Variants in ELP3 observed in about 807,000 individuals in gnomAD.
ELP3 encodes the protein elongator complex protein 3.
ELP3 carries 56 observed loss-of-function variants against 74.9 expected under a neutral mutation model. That is an observed-to-expected ratio of 0.75 (90% CI 0.60 to 0.93). ELP3 has a LOEUF of 0.93. Ranked by LOEUF, ELP3 falls within the 40% of genes least tolerant of loss-of-function variation. The pLI is 0.00. For missense variants in ELP3, 573 were observed against 686.5 expected (o/e 0.83, Z 1.85); for synonymous variants, 222 against 239.8 (o/e 0.93, Z 0.68).
intron 14 of ELP3, among the ~76,000 whole-genome samples, chr8:28,176,874 T>C (rs1189291561): frequency 6.6e-6 from 1 of 152,200 alleles, no homozygotes; most frequent in Non-Finnish European, 1.5e-5. Context: ...AGACCCTCTA[T>C]TTTTGAATCA....
At chr8:28,119,602 A>G (rs1445100564) in intron 7 of ELP3, among the ~76,000 whole-genome samples, 2 of 101,950 alleles carry the variant, frequency 2.0e-5, no homozygotes, top group African/African-American at 4.5e-5. Context: ...ATATATATAT[A>G]TATATATATA....
At chr8:28,109,477 C>T (rs371999681) in intron 5 of ELP3, among the ~76,000 whole-genome samples, 1 of 152,168 alleles carries the variant, frequency 6.6e-6, no homozygotes, top group Non-Finnish European at 1.5e-5. Flanking sequence ...GTTATTTCCT[C>T]CCCATCCTTC....
chr8:28,153,088 G>A (rs886218251), intron 10 of ELP3, among the ~76,000 whole-genome samples: 3 of 152,120 alleles, frequency 2.0e-5, no homozygotes, highest in African/African-American at 7.2e-5. Context: ...CTCTGACTAT[G>A]GTGTTTTACC....
At chr8:28,137,011 G>A (rs1055460037) in intron 9 of ELP3, among the ~76,000 whole-genome samples, 4 of 152,176 alleles carry the variant, frequency 2.6e-5, no homozygotes, top group Non-Finnish European at 4.4e-5. Flanking sequence ...GATAACAAAT[G>A]GACAAGGTGT....
intron 14 of ELP3, among the ~76,000 whole-genome samples, chr8:28,180,265 A>G (rs935454314): frequency 2.0e-5 from 3 of 152,124 alleles, no homozygotes; most frequent in African/African-American, 4.8e-5. Flanking sequence ...CCAGTTAAAC[A>G]TATTTTAGAC....
intron 7 of ELP3, among the ~76,000 whole-genome samples, chr8:28,116,245 A>T (rs191192195): frequency 6.6e-6 from 1 of 152,282 alleles, no homozygotes; most frequent in East Asian, 1.9e-4. Flanking sequence ...TACCAAGGGT[A>T]GCTCAAAGAG....
At chr8:28,171,425 A>G (rs2130580066) in intron 14 of ELP3, among the ~76,000 whole-genome samples, 1 of 152,178 alleles carries the variant, frequency 6.6e-6, no homozygotes, top group South Asian at 2.1e-4. Flanking sequence ...TATTTCTGTA[A>G]TGATTAATGA....
rs115319889 is a variant in ELP3, at chr8:28,138,990, C to T, written c.1100+1099C>T. On this transcript the variant is annotated intron_variant, in intron 10 of 14. Coordinates refer to ENST00000256398, the MANE Select transcript of ELP3 (RefSeq NM_018091.6). Reference sequence around the variant, plus strand: ...TTCTGAAGCAATTCAGTCCAAAGGACATTAGGTGGTGCGGAGCAGTGTAGG... The same window carrying T: ...TTCTGAAGCAATTCAGTCCAAAGGATATTAGGTGGTGCGGAGCAGTGTAGG... 9.8e-3 allele frequency among the ~76,000 whole-genome samples: 1,491 copies of T among 152,202 alleles called. 25 individuals carry two copies. Among genetic ancestry groups the T allele is most frequent in the African/African-American group, 0.034 (1,403 of 41,506 alleles).
chr8:28,134,620 G>GATTCAAAT (rs1812910099), intron 9 of ELP3, among the ~76,000 whole-genome samples: 3 of 152,144 alleles, frequency 2.0e-5, no homozygotes, highest in African/African-American at 7.2e-5. Flanking sequence ...TTTCACAAAA[G>GATTCAAAT]AGAATATTCA....
At chr8:28,109,020 T>C (rs1030364365) in intron 5 of ELP3, among the ~76,000 whole-genome samples, 1 of 150,586 alleles carries the variant, frequency 6.6e-6, no homozygotes, top group African/African-American at 2.4e-5. Flanking sequence ...AGGAAAGACA[T>C]GGGGGTGTTG....
intron 7 of ELP3, among the ~76,000 whole-genome samples, chr8:28,118,694 T>C (rs1812231486): frequency 6.6e-6 from 1 of 152,190 alleles, no homozygotes; most frequent in Admixed American, 6.5e-5. Flanking sequence ...CCAACAACCT[T>C]TTAAAATAGT....
chr8:28,138,988 G>A (rs1447083012), intron 10 of ELP3, among the ~76,000 whole-genome samples: 1 of 152,160 alleles, frequency 6.6e-6, no homozygotes, highest in Non-Finnish European at 1.5e-5. Flanking sequence ...CAGTCCAAAG[G>A]ACATTAGGTG....
chr8:28,146,948 T>A lies in ELP3; in HGVS notation c.1101-8994T>A, dbSNP rs753742639. Among the ~76,000 whole-genome samples, 21 of 152,248 alleles carry A rather than the reference T, an allele frequency of 1.4e-4. 1 individual carries two copies. Among genetic ancestry groups the A allele is most frequent in the Non-Finnish European group, 2.8e-4 (19 of 68,046 alleles). On this transcript the variant is annotated intron_variant, in intron 10 of 14. Transcript: ENST00000256398. The stretch of plus-strand genomic sequence containing the variant: ...CTCTGTTACCAGGTCCTCACTGACT[T>A]GTGCTCTCTGGTAATCAGGGCCAGC...
chr8:28,112,252 T>C (rs1234492016), intron 6 of ELP3, among the ~76,000 whole-genome samples: 1 of 152,094 alleles, frequency 6.6e-6, no homozygotes, highest in African/African-American at 2.4e-5. Context: ...CAAGCGATTC[T>C]CTTGCCTCAG....
intron 7 of ELP3, among the ~76,000 whole-genome samples, chr8:28,120,783 T>A (rs1466115639): frequency 6.6e-6 from 1 of 152,218 alleles, no homozygotes; most frequent in Non-Finnish European, 1.5e-5. Context: ...TGCTTTAACA[T>A]CACTTCTTTA....
upstream of ELP3, among the ~76,000 whole-genome samples, chr8:28,091,781 C>G (rs1208790004): frequency 6.6e-6 from 1 of 152,000 alleles, no homozygotes; most frequent in Admixed American, 6.5e-5. Context: ...TGAGGACACA[C>G]CCAGGAAAAA....
intron 10 of ELP3, among the ~76,000 whole-genome samples, chr8:28,145,222 A>G (rs1252952728): frequency 6.6e-6 from 1 of 152,206 alleles, no homozygotes; most frequent in African/African-American, 2.4e-5. Context: ...AGAGAGACTC[A>G]TGGGGATTTT....
At chr8:28,177,909 C>T (rs141152821) in intron 14 of ELP3, among the ~76,000 whole-genome samples, 2 of 152,354 alleles carry the variant, frequency 1.3e-5, no homozygotes, top group East Asian at 3.9e-4. Context: ...TGTTACATCA[C>T]ATTAATAATT....
At chr8:28,115,484 A>G (rs1585657369) in intron 7 of ELP3, among the ~76,000 whole-genome samples, 2 of 152,330 alleles carry the variant, frequency 1.3e-5, no homozygotes, top group East Asian at 3.9e-4. Flanking sequence ...CTGAGGAGGA[A>G]AGGACATGGG....
Sources: allele counts gnomAD v4.1 joint callset (sites outside exome capture counted in the v4.1 genomes callset), GRCh38; gene constraint gnomAD v4.1.1; transcripts MANE v1.5; gene names NCBI Gene and HGNC (gene_info 2026-07-23, HGNC 2026-07-21).